PCM1: variants seen among roughly 807,000 people sequenced by gnomAD.
The protein encoded by PCM1 is pericentriolar material 1 protein.
PCM1 carries 157 observed loss-of-function variants against 241.9 expected under a neutral mutation model. That is an observed-to-expected ratio of 0.65 (90% CI 0.57 to 0.74). The LOEUF is 0.74. PCM1 is among the 30% of genes least tolerant of loss of function. The probability of loss-of-function intolerance (pLI) is 0.00; values close to 1 mark genes in which losing one functional copy is unlikely to be tolerated. For synonymous variants in PCM1, 1,085 were observed against 784.9 expected (o/e 1.38, Z -6.39); for missense variants, 3,478 against 2,360.1 (o/e 1.47, Z -9.81).
chr8:17,937,920 G>T (rs2060882674), intron 4 of PCM1, among the ~76,000 whole-genome samples: 1 of 152,082 alleles, frequency 6.6e-6, no homozygotes, highest in African/African-American at 2.4e-5. Flanking sequence ...GTCTGATAAT[G>T]ATGTTGGTAA....
At chr8:17,955,158 C>A (rs145587041) in intron 9 of PCM1, among the ~76,000 whole-genome samples, 24 of 152,218 alleles carry the variant, frequency 1.6e-4, no homozygotes, top group African/African-American at 5.5e-4. Context: ...GAGTACTTCT[C>A]TAGTTAGTTT....
intron 7 of PCM1, among the ~76,000 whole-genome samples, chr8:17,949,786 TGTA>T (rs1297692856): frequency 6.6e-6 from 1 of 152,172 alleles, no homozygotes; most frequent in African/African-American, 2.4e-5. Flanking sequence ...TGTGAGACAC[TGTA>T]CCTGGCCACC....
At chr8:17,929,300 CTTA>C (rs2129446570) in intron 2 of PCM1, among the ~76,000 whole-genome samples, 1 of 152,192 alleles carries the variant, frequency 6.6e-6, no homozygotes, top group Non-Finnish European at 1.5e-5. Context: ...CTTTCTGTAC[CTTA>C]TTAGTGTATT....
chr8:17,953,848 C>A (rs980389249), intron 9 of PCM1, among the ~76,000 whole-genome samples: 1 of 152,066 alleles, frequency 6.6e-6, no homozygotes, highest in Non-Finnish European at 1.5e-5. Flanking sequence ...AATAGAGGCT[C>A]AAGCATTAGA....
At chr8:17,949,576 C>A (rs1338862822) in intron 7 of PCM1, among the ~76,000 whole-genome samples, 1 of 150,488 alleles carries the variant, frequency 6.6e-6, no homozygotes, top group Non-Finnish European at 1.5e-5. Flanking sequence ...TGGCTCACTG[C>A]AGCCTCTGCC....
chr8:17,993,478 A>T lies in PCM1; in HGVS notation c.4691-5A>T. 6.5e-7 allele frequency: 1 copy of T among 1,546,672 alleles called. No individual in the cohort carries two copies. The highest frequency in any genetic ancestry group is 8.7e-7 in the Non-Finnish European group (1 of 1,147,664). On this transcript the variant is annotated splice_polypyrimidine_tract_variant and splice_region_variant and intron_variant, in intron 28 of 38. Transcript: ENST00000325083. Reference sequence around the variant, plus strand: ...AGGCTAATGTATTTTCTTTTTAAAAATTAGAAACTCCCGTTATTGAAAATC... The same window carrying T: ...AGGCTAATGTATTTTCTTTTTAAAATTTAGAAACTCCCGTTATTGAAAATC...
At chr8:17,997,287 T>G (rs148246905) in intron 29 of PCM1, among the ~76,000 whole-genome samples, 82 of 152,298 alleles carry the variant, frequency 5.4e-4, no homozygotes, top group African/African-American at 1.8e-3. Flanking sequence ...ATATGTTATT[T>G]GTTTCTTTTC....
chr8:17,989,078 A>G (rs1353066653), intron 26 of PCM1, among the ~76,000 whole-genome samples: 2 of 152,028 alleles, frequency 1.3e-5, no homozygotes, highest in East Asian at 1.9e-4. Flanking sequence ...AAACTGTGGT[A>G]TATCTATACA....
chr8:17,954,043 A>C (rs2067078674), intron 9 of PCM1, among the ~76,000 whole-genome samples: 1 of 152,154 alleles, frequency 6.6e-6, no homozygotes, highest in African/African-American at 2.4e-5. Context: ...CTGTCCTAAA[A>C]CATACTCCTT....
chr8:17,991,567 A>G lies in PCM1; in HGVS notation c.4557A>G (p.Gln1519=), dbSNP rs745810517. The G allele has an allele frequency of 3.1e-5, 49 of 1,602,198 alleles. No homozygotes were observed. Among genetic ancestry groups the G allele is most frequent in the Non-Finnish European group, 3.7e-5 (44 of 1,174,050 alleles). Residue 1519 remains glutamine (Q), a synonymous_variant, in exon 28 of 39, where the codon CAA becomes CAG. Coordinates refer to ENST00000325083, the MANE Select transcript of PCM1 (RefSeq NM_006197.4). ...DLGNTVIHLD[Q]ALARMREYER... is the part of the protein sequence containing the mutation. ...GTAACACCGTGATTCACTTAGATCA[A>G]GCATTAGCCAGAATGAGAGAATATG... is the stretch of plus-strand genomic sequence containing the variant.
At chr8:18,018,382 G>C (rs999780111) in intron 36 of PCM1, among the ~76,000 whole-genome samples, 1 of 152,180 alleles carries the variant, frequency 6.6e-6, no homozygotes. Flanking sequence ...AAAGTGGTAA[G>C]CCTATAAAAA....
Position 18,013,637 on chromosome 8 carries a change from TC to T in PCM1, c.5512-326del, listed in dbSNP as rs150751068. On this transcript the variant is annotated intron_variant, in intron 34 of 38. Transcript: ENST00000325083. The stretch of plus-strand genomic sequence containing the variant: ...CCCTGCTGAAGGCATTTAGCTTTGT[TC>T]ATCTTCCTCTCGTCACTTCCTCCTT... 4.7e-3 allele frequency among the ~76,000 whole-genome samples: 712 copies of T among 152,324 alleles called. 8 individuals are homozygous for T. Among genetic ancestry groups the T allele is most frequent in the African/African-American group, 0.016 (674 of 41,564 alleles).
rs749910625 is a variant in PCM1, at chr8:17,938,887, G to A, written c.490G>A (p.Glu164Lys). 6.8e-6 allele frequency: 11 copies of A among 1,613,754 alleles called. 1 individual carries two copies. In the Admixed American group the frequency reaches 1.8e-4, roughly 27 times the overall value. The change falls in exon 5 of 39, where the codon GAA becomes AAA. Residue 164 changes from glutamate (E) to lysine (K), a missense_variant. Glu to Lys is a moderately conservative substitution (Grantham distance 56). Coordinates refer to ENST00000325083, the MANE Select transcript of PCM1 (RefSeq NM_006197.4). ...TGCATCTACAAACCCCCCAAACAGA[G>A]AAACGATTGGATCAGCACAGTGTAA... ...KDASTNPPNR[E>K]TIGSAQCKEL...
intron 23 of PCM1, among the ~76,000 whole-genome samples, chr8:17,977,886 C>T: frequency 6.6e-6 from 1 of 152,226 alleles, no homozygotes; most frequent in East Asian, 1.9e-4. Context: ...CATTTGGGTC[C>T]AGCCTTAAGA....
chr8:17,980,852 TATC>T, intron 24 of PCM1, 97 bp downstream of exon 24: 1 of 827,072 alleles, frequency 1.2e-6, no homozygotes, highest in Non-Finnish European at 1.9e-6. Context: ...GTTTCACACG[TATC>T]TATCATGTGG....
intron 23 of PCM1, 21 bp downstream of exon 23, chr8:17,972,708 A>C (rs779160379): frequency 2.1e-5 from 29 of 1,411,954 alleles, no homozygotes; most frequent in Non-Finnish European, 2.6e-5. Flanking sequence ...AAATTTGTTG[A>C]ATGTTGATCA....
At chr8:17,938,069 C>A (rs954157083) in intron 4 of PCM1, among the ~76,000 whole-genome samples, 1 of 151,998 alleles carries the variant, frequency 6.6e-6, no homozygotes, top group African/African-American at 2.4e-5. Flanking sequence ...GGGTCCAAAG[C>A]GTATAAAAAT....
At chr8:17,986,726 C>T (rs942021086) in intron 26 of PCM1, among the ~76,000 whole-genome samples, 1 of 151,732 alleles carries the variant, frequency 6.6e-6, no homozygotes, top group South Asian at 2.1e-4. Context: ...TTGGGAATCA[C>T]CTATTTCAAG....
intron 38 of PCM1, among the ~76,000 whole-genome samples, chr8:18,026,728 G>C (rs1474190341): frequency 6.6e-6 from 1 of 151,744 alleles, no homozygotes; most frequent in Non-Finnish European, 1.5e-5. Flanking sequence ...TATTATTTTT[G>C]TTTGTTCTAT....
Sources: gnomAD v4.1 joint callset for allele counts (sites outside exome capture counted in the v4.1 genomes callset) on GRCh38, gnomAD v4.1.1 for gene constraint, MANE v1.5 for transcripts, NCBI Gene and HGNC (gene_info 2026-07-23, HGNC 2026-07-21) for gene names.